Variants in VRK1 observed in about 807,000 individuals in gnomAD.
The protein encoded by VRK1 is VRK serine/threonine kinase 1, also known as serine/threonine-protein kinase VRK1.
Under a neutral mutation model 57.1 loss-of-function variants are expected in VRK1, and 33 were observed. That is an observed-to-expected ratio of 0.58 (90% CI 0.44 to 0.77). The LOEUF (loss-of-function observed/expected upper bound fraction) is 0.77. Ranked by LOEUF, VRK1 falls within the 30% of genes least tolerant of loss-of-function variation. The pLI, the probability that VRK1 is intolerant of heterozygous loss-of-function variation, is 0.00. For synonymous variants in VRK1, 137 were observed against 147.8 expected, an observed-to-expected ratio of 0.93 and a Z score of 0.53; for missense variants, 413 against 477.3, an observed-to-expected ratio of 0.87 and a Z score of 1.25.
chr14:96,818,613 G>A (rs993371519), intron 1 of VRK1, among the ~76,000 whole-genome samples: 1 of 151,994 alleles, frequency 6.6e-6, no homozygotes, highest in Non-Finnish European at 1.5e-5. Flanking sequence ...ATGGTTTGTT[G>A]TGTTATATTT....
At chr14:96,820,121 CTTG>C (rs1353523692) in intron 1 of VRK1, among the ~76,000 whole-genome samples, 2 of 146,266 alleles carry the variant, frequency 1.4e-5, no homozygotes, top group Non-Finnish European at 3.0e-5. Flanking sequence ...AACCACTAAG[CTTG>C]TTGTTGCCGA....
intron 3 of VRK1, among the ~76,000 whole-genome samples, chr14:96,840,991 G>T (rs1453367282): frequency 6.6e-6 from 1 of 152,002 alleles, no homozygotes; most frequent in Non-Finnish European, 1.5e-5. Context: ...TAGCAGCTGG[G>T]ACTAAAGGCA....
intron 3 of VRK1, among the ~76,000 whole-genome samples, chr14:96,844,432 G>A (rs1001139032): frequency 5.3e-5 from 8 of 152,162 alleles, no homozygotes; most frequent in South Asian, 2.1e-4. Flanking sequence ...AATAAGGCAC[G>A]CTTGTTTTCA....
At chr14:96,869,843 GGTA>G (rs1489166947) in intron 11 of VRK1, among the ~76,000 whole-genome samples, 2 of 152,222 alleles carry the variant, frequency 1.3e-5, no homozygotes, top group East Asian at 3.9e-4. Flanking sequence ...GGGAAGATCA[GGTA>G]GTATGTTTTT....
At chr14:96,877,166 A>G (rs971236843) in intron 12 of VRK1, among the ~76,000 whole-genome samples, 3 of 151,934 alleles carry the variant, frequency 2.0e-5, no homozygotes, top group African/African-American at 7.3e-5. Context: ...TTTACAGCAT[A>G]GGTGCCATAT....
chr14:96,862,483 A>G lies in VRK1; in HGVS notation c.1068+1748A>G, dbSNP rs936309712. On this transcript the variant is annotated intron_variant, in intron 11 of 12. Transcript: ENST00000216639. ...ATCATGAGCTGCTTGATAGCCATGT[A>G]ACTGAAGTGAGTTATTAATTTTGTT... Among the ~76,000 whole-genome samples the G allele has an allele frequency of 4.0e-5, 6 of 151,434 alleles. No individual in the cohort carries two copies. In the East Asian group the frequency reaches 9.8e-4, roughly 25 times the overall value.
At chr14:96,876,655 T>C (rs1255932002) in intron 12 of VRK1, among the ~76,000 whole-genome samples, 1 of 152,174 alleles carries the variant, frequency 6.6e-6, no homozygotes, top group Admixed American at 6.5e-5. Flanking sequence ...GACATGGGTC[T>C]GTTGCAGCTG....
At chr14:96,835,273 C>T (rs1436592624) in intron 2 of VRK1, among the ~76,000 whole-genome samples, 1 of 152,148 alleles carries the variant, frequency 6.6e-6, no homozygotes, top group Non-Finnish European at 1.5e-5. Flanking sequence ...TTTGCATTTT[C>T]TTTTCTGTAG....
rs1375736874 is a variant in VRK1, at chr14:96,833,586, G to A, written c.115G>A (p.Val39Ile). Reference protein sequence around the residue: ...ITDMAKKEWKVGLPIGQGGFG... With the variant: ...ITDMAKKEWKIGLPIGQGGFG... ...TGACATGGCAAAAAAGGAATGGAAAGTAGGATTACCCATTGGCCAAGGAGG... is the reference window on the plus strand; with the variant it reads ...TGACATGGCAAAAAAGGAATGGAAAATAGGATTACCCATTGGCCAAGGAGG... The change falls in exon 2 of 13, where the codon GTA becomes ATA. Residue 39 changes from valine (V) to isoleucine (I), a missense_variant. Val to Ile is a conservative substitution (Grantham distance 29). Around this residue, in one of 3 missense-constraint regions of VRK1, gnomAD observed 116 missense variants for 113.6 expected, o/e 1.02. Coordinates refer to ENST00000216639, the MANE Select transcript of VRK1 (RefSeq NM_003384.3). 2 of 1,613,824 alleles carry A rather than the reference G, an allele frequency of 1.2e-6. No homozygotes were observed. The highest frequency in any genetic ancestry group is 1.7e-5 in the Admixed American group (1 of 60,012).
chr14:96,879,484 T>A (rs1481288263), intron 12 of VRK1, among the ~76,000 whole-genome samples: 1 of 152,148 alleles, frequency 6.6e-6, no homozygotes, highest in Non-Finnish European at 1.5e-5. Flanking sequence ...TTTATAGTTG[T>A]TAATTTAGTG....
intron 11 of VRK1, among the ~76,000 whole-genome samples, chr14:96,872,068 G>A (rs1888843051): frequency 6.6e-6 from 1 of 152,160 alleles, no homozygotes; most frequent in African/African-American, 2.4e-5. Flanking sequence ...GCCTCCCAAA[G>A]TGCTGGGATT....
At chr14:96,879,493 T>C (rs139466313) in intron 12 of VRK1, among the ~76,000 whole-genome samples, 408 of 152,256 alleles carry the variant, frequency 2.7e-3, no homozygotes, top group African/African-American at 9.5e-3. Context: ...GTTAATTTAG[T>C]GTTCTTTGTA....
intron 10 of VRK1, among the ~76,000 whole-genome samples, chr14:96,860,122 A>G (rs1888326611): frequency 6.6e-6 from 1 of 151,810 alleles, no homozygotes; most frequent in African/African-American, 2.4e-5. Flanking sequence ...GGTGTGTTTT[A>G]TTTCTCATTT....
intron 1 of VRK1, among the ~76,000 whole-genome samples, chr14:96,831,549 A>C (rs752286069): frequency 6.6e-6 from 1 of 152,238 alleles, no homozygotes; most frequent in African/African-American, 2.4e-5. Context: ...AAAACTAAAA[A>C]TAAAAGCAAA....
At chr14:96,861,990 T>C (rs573102905) in intron 11 of VRK1, among the ~76,000 whole-genome samples, 2 of 152,356 alleles carry the variant, frequency 1.3e-5, no homozygotes, top group South Asian at 2.1e-4. Flanking sequence ...GTAGCTTGTA[T>C]AGTGTTTTTC....
At chr14:96,842,071 A>C (rs2139770249) in intron 3 of VRK1, among the ~76,000 whole-genome samples, 1 of 152,224 alleles carries the variant, frequency 6.6e-6, no homozygotes, top group East Asian at 1.9e-4. Flanking sequence ...ACTGAATTTT[A>C]AGTTATCTGA....
intron 7 of VRK1, among the ~76,000 whole-genome samples, chr14:96,853,382 CAGA>C (rs1888026817): frequency 6.6e-6 from 1 of 152,042 alleles, no homozygotes; most frequent in Admixed American, 6.6e-5. Flanking sequence ...AAATAATATT[CAGA>C]AGAAGTGCTT....
At chr14:96,798,546 AATT>A (rs1189576692) in intron 1 of VRK1, among the ~76,000 whole-genome samples, 1 of 152,108 alleles carries the variant, frequency 6.6e-6, no homozygotes, top group Non-Finnish European at 1.5e-5. Context: ...GAACTTCATT[AATT>A]ATTGTGTGTG....
At chr14:96,865,483 C>G (rs747179859) in intron 11 of VRK1, among the ~76,000 whole-genome samples, 1 of 152,146 alleles carries the variant, frequency 6.6e-6, no homozygotes, top group African/African-American at 2.4e-5. Flanking sequence ...ATTTCTTTAG[C>G]ATTGTCTTTG....
Sources: gnomAD v4.1 joint callset for allele counts (sites outside exome capture counted in the v4.1 genomes callset) on GRCh38, gnomAD v4.1.1 for gene constraint, gnomAD v4.1.1 regional missense constraint, MANE v1.5 for transcripts, NCBI Gene and HGNC (gene_info 2026-07-23, HGNC 2026-07-21) for gene names.